Variants in ATP8B4 observed in about 807,000 individuals in gnomAD.
The protein encoded by ATP8B4 is probable phospholipid-transporting ATPase IM.
A neutral mutation model predicts 145.6 loss-of-function variants in ATP8B4; 133 were observed. The ratio of observed to expected loss-of-function variants is 0.91; its 90% CI spans 0.79 to 1.05. The LOEUF (loss-of-function observed/expected upper bound fraction) is 1.05, where lower values mean the gene tolerates loss of function less well. ATP8B4 is among the 50% of genes least tolerant of loss of function. ATP8B4 has a pLI of 0.00. For synonymous variants in ATP8B4, 507 were observed against 492.9 expected (o/e 1.03, Z -0.38); for missense variants, 1,458 against 1,425.2 (o/e 1.02, Z -0.37).
At chr15:50,117,830 T>C (rs1348119108) in intron 1 of ATP8B4, among the ~76,000 whole-genome samples, 5 of 152,208 alleles carry the variant, frequency 3.3e-5, no homozygotes, top group East Asian at 3.8e-4. Context: ...TGAAAAAGAA[T>C]AAAACTCTAT....
chr15:50,026,476 A>G (rs145830834), intron 6 of ATP8B4, among the ~76,000 whole-genome samples: 104 of 152,336 alleles, frequency 6.8e-4, no homozygotes, highest in African/African-American at 2.4e-3. Flanking sequence ...CATGTGCAGA[A>G]GTACTGACCA....
At chr15:50,040,184 G>T (rs1390061224) in intron 5 of ATP8B4, among the ~76,000 whole-genome samples, 4 of 152,226 alleles carry the variant, frequency 2.6e-5, no homozygotes, top group Admixed American at 2.6e-4. Flanking sequence ...TTGGCCAACA[G>T]ATAGTACTGG....
chr15:50,082,611 T>C (rs1600251350), intron 2 of ATP8B4, among the ~76,000 whole-genome samples: 2 of 152,194 alleles, frequency 1.3e-5, no homozygotes, highest in East Asian at 3.8e-4. Context: ...TATTCATTCC[T>C]CTTCTAGGAT....
chr15:50,055,852 C>T (rs1420388508), intron 3 of ATP8B4, among the ~76,000 whole-genome samples: 1 of 152,136 alleles, frequency 6.6e-6, no homozygotes, highest in African/African-American at 2.4e-5. Flanking sequence ...CATGTTCATG[C>T]AAAGAACCCA....
At chr15:50,005,756 A>C (rs574145015) in intron 7 of ATP8B4, among the ~76,000 whole-genome samples, 4 of 152,344 alleles carry the variant, frequency 2.6e-5, no homozygotes, top group Admixed American at 2.6e-4. Context: ...AAATCACTGG[A>C]ACACAACTAC....
intron 5 of ATP8B4, among the ~76,000 whole-genome samples, chr15:50,042,798 A>AC (rs1278041710): frequency 6.6e-6 from 1 of 152,186 alleles, no homozygotes; most frequent in Non-Finnish European, 1.5e-5. Flanking sequence ...TAAAACAACC[A>AC]TGAAAAAGTA....
intron 2 of ATP8B4, among the ~76,000 whole-genome samples, chr15:50,091,508 G>A (rs924700823): frequency 6.6e-6 from 1 of 152,106 alleles, no homozygotes; most frequent in Admixed American, 6.6e-5. Context: ...AAATGCATTT[G>A]GAAATATGTT....
rs536317088 is a variant in ATP8B4, at chr15:49,987,530, C to G, written c.609G>C (p.Val203=). Residue 203 remains valine (V), a synonymous_variant, in exon 10 of 28, where the codon GTG becomes GTC. Transcript: ENST00000284509. ...AGFDGIVVCE[V]PNNKLDKFMG... Reference sequence around the variant, plus strand: ...TGAATTTATCTAACTTGTTGTTAGGCACCTCACAGACAACAATCCCTGGAA... The same window carrying G: ...TGAATTTATCTAACTTGTTGTTAGGGACCTCACAGACAACAATCCCTGGAA... The G allele has an allele frequency of 8.7e-6, 14 of 1,613,392 alleles. No individual in the cohort carries two copies. In the East Asian group the frequency reaches 2.9e-4, roughly 33 times the overall value.
intron 15 of ATP8B4, 67 bp from the exon 16 acceptor site, chr15:49,931,374 A>C (rs776497499): frequency 4.2e-6 from 6 of 1,441,236 alleles, no homozygotes; most frequent in Non-Finnish European, 5.7e-6. Context: ...TTCCAATGCC[A>C]ACTCCAACTC....
chr15:50,060,149 G>GA (rs2052906015), intron 3 of ATP8B4, among the ~76,000 whole-genome samples: 1 of 152,232 alleles, frequency 6.6e-6, no homozygotes, highest in African/African-American at 2.4e-5. Flanking sequence ...TCTGATTCCA[G>GA]AACTAAAGAA....
chr15:49,979,253 T>G (rs1010896011), intron 12 of ATP8B4, among the ~76,000 whole-genome samples: 12 of 152,038 alleles, frequency 7.9e-5, no homozygotes, highest in African/African-American at 2.2e-4. Context: ...ATAGAGCCAG[T>G]CTAGTGGCAA....
rs1344996008 is a variant in ATP8B4, at chr15:49,879,437, A to C, written c.2720T>G (p.Ile907Ser). Residue 907 changes from isoleucine to serine, a missense_variant, in exon 24 of 28, where the codon ATC (isoleucine) becomes AGC (serine). Ile to Ser is a moderately radical substitution (Grantham distance 142). Transcript: ENST00000284509. Reference protein sequence around the residue: ...SAQTVYDQWFITLFNIVYTSL... With the variant: ...SAQTVYDQWFSTLFNIVYTSL... Reference sequence around the variant, plus strand: ...TGTGTAAACAATGTTAAAAAGGGTGATGAACCACTGGTCATAAACAGTCTG... The same window carrying C: ...TGTGTAAACAATGTTAAAAAGGGTGCTGAACCACTGGTCATAAACAGTCTG... The C allele has an allele frequency of 6.2e-7, 1 of 1,612,070 alleles. No individual in the cohort carries two copies. Among genetic ancestry groups the C allele is most frequent in the Admixed American group, 1.7e-5 (1 of 59,924 alleles).
At chr15:49,988,968 C>T (rs2153544605) in intron 9 of ATP8B4, among the ~76,000 whole-genome samples, 1 of 152,272 alleles carries the variant, frequency 6.6e-6, no homozygotes, top group Non-Finnish European at 1.5e-5. Flanking sequence ...CTTTTCCAAC[C>T]TCCACCTGTC....
chr15:50,032,218 T>C (rs1028952877), intron 6 of ATP8B4, among the ~76,000 whole-genome samples: 3 of 151,940 alleles, frequency 2.0e-5, no homozygotes, highest in Non-Finnish European at 4.4e-5. Context: ...TGGTGTGTGA[T>C]GTTCCCCTCC....
chr15:49,919,021 C>G (rs1285982396), intron 18 of ATP8B4, 71 bp from the exon 19 acceptor site: 3 of 1,106,576 alleles, frequency 2.7e-6, no homozygotes, highest in Non-Finnish European at 4.0e-6. Context: ...ATGGATTTCA[C>G]TCACAGATTC....
Position 49,954,625 on chromosome 15 carries a change from T to C in ATP8B4, c.1287+7352A>G, listed in dbSNP as rs80155037. On this transcript the variant is annotated intron_variant, in intron 14 of 27. Coordinates refer to ENST00000284509, the MANE Select transcript of ATP8B4 (RefSeq NM_024837.4). ...AATGCAAATCAAAATCATAACGAGATACCATCTCACACCAGTCAGAAAAAT... is the reference window on the plus strand; with the variant it reads ...AATGCAAATCAAAATCATAACGAGACACCATCTCACACCAGTCAGAAAAAT... Among the ~76,000 whole-genome samples, 1,169 of 152,200 alleles carry C rather than the reference T, an allele frequency of 7.7e-3. 22 individuals are homozygous for C. Among genetic ancestry groups the C allele is most frequent in the East Asian group, 0.065 (337 of 5,182 alleles).
At chr15:49,958,379 A>C (rs1397863342) in intron 14 of ATP8B4, among the ~76,000 whole-genome samples, 1 of 151,642 alleles carries the variant, frequency 6.6e-6, no homozygotes, top group African/African-American at 2.4e-5. Flanking sequence ...GAAAAGCAAA[A>C]CAAAAAACTG....
At chr15:50,047,097 T>TG (rs2051782196) in intron 4 of ATP8B4, among the ~76,000 whole-genome samples, 2 of 152,226 alleles carry the variant, frequency 1.3e-5, no homozygotes, top group Non-Finnish European at 2.9e-5. Flanking sequence ...TATTAGGCTC[T>TG]GGTTTGGTTC....
Position 49,950,619 on chromosome 15 carries a change from C to CAAAAACAA in ATP8B4, c.1287+11357_1287+11358insTTGTTTTT, listed in dbSNP as rs1567059792. 1.4e-3 allele frequency among the ~76,000 whole-genome samples: 149 copies of CAAAAACAA among 109,840 alleles called. 1 individual carries two copies. Among genetic ancestry groups the CAAAAACAA allele is most frequent in the Non-Finnish European group, 1.9e-3 (102 of 54,220 alleles). 72.1% of individuals were successfully genotyped at this position (109,840 alleles called of 152,430 possible). ...AAAAAAAAACAAACAAACAAACAAACAAAAAAAACAACAACAACAACAAAA... is the reference window on the plus strand; with the variant it reads ...AAAAAAAAACAAACAAACAAACAAACAAAAACAAAAAAAAAACAACAACAACAACAAAA... On this transcript the variant is annotated intron_variant, in intron 14 of 27. Coordinates refer to ENST00000284509, the MANE Select transcript of ATP8B4 (RefSeq NM_024837.4).
Sources: gnomAD v4.1 joint callset for allele counts (sites outside exome capture counted in the v4.1 genomes callset) on GRCh38, gnomAD v4.1.1 for gene constraint, MANE v1.5 for transcripts, NCBI Gene and HGNC (gene_info 2026-07-23, HGNC 2026-07-21) for gene names.